Variants in UVRAG observed in about 807,000 individuals in gnomAD.
UVRAG encodes the protein UV radiation resistance associated, also known as UV radiation resistance-associated gene protein.
Under a neutral mutation model 78.0 loss-of-function variants are expected in UVRAG, and 19 were observed. The ratio of observed to expected loss-of-function variants is 0.24; its 90% CI spans 0.17 to 0.36. The LOEUF (loss-of-function observed/expected upper bound fraction) is 0.36. UVRAG is among the 10% of genes least tolerant of loss of function. The pLI is 1.00. For missense variants in UVRAG, 740 were observed against 853.8 expected (o/e 0.87, Z 1.66); for synonymous variants, 323 against 324.6 (o/e 1.00, Z 0.05).
chr11:76,016,397 T>C (rs1436073195), intron 11 of UVRAG, among the ~76,000 whole-genome samples: 1 of 152,128 alleles, frequency 6.6e-6, no homozygotes, highest in African/African-American at 2.4e-5. Context: ...AACTATATTG[T>C]CTAGGAAATT....
chr11:76,070,949 C>G lies in UVRAG; in HGVS notation c.1305+5161C>G, dbSNP rs912149000. On this transcript the variant is annotated intron_variant, in intron 13 of 14. Coordinates refer to ENST00000356136, the MANE Select transcript of UVRAG (RefSeq NM_003369.4). ...ATCATTGTGTATGTAATCAATGTCA[C>G]TGAATTTTACACTTAAACATGGTTT... Among the ~76,000 whole-genome samples the G allele has an allele frequency of 7.2e-5, 11 of 152,302 alleles. No individual in the cohort carries two copies. In the East Asian group the frequency reaches 2.1e-3, roughly 29 times the overall value.
At chr11:76,084,168 G>C (rs1331642162) in intron 13 of UVRAG, among the ~76,000 whole-genome samples, 1 of 152,208 alleles carries the variant, frequency 6.6e-6, no homozygotes, top group Admixed American at 6.5e-5. Context: ...AGCCCCAGTG[G>C]AGGCTACTAA....
intron 8 of UVRAG, 84 bp downstream of exon 8, chr11:75,983,597 T>G: frequency 6.9e-7 from 1 of 1,455,968 alleles, no homozygotes; most frequent in Non-Finnish European, 9.1e-7. Context: ...AAATAGTCAT[T>G]TTTTGTGTAA....
At chr11:76,124,048 G>A (rs1052394494) in intron 14 of UVRAG, among the ~76,000 whole-genome samples, 1 of 151,906 alleles carries the variant, frequency 6.6e-6, no homozygotes, top group African/African-American at 2.4e-5. Flanking sequence ...ACAGGCATGA[G>A]CCACCACGCC....
intron 5 of UVRAG, among the ~76,000 whole-genome samples, chr11:75,904,485 G>C (rs948592038): frequency 3.3e-5 from 5 of 152,162 alleles, no homozygotes; most frequent in African/African-American, 1.2e-4. Flanking sequence ...TCAGAACAAG[G>C]CTCTTAGCAT....
chr11:75,873,777 T>C (rs1049801005), intron 3 of UVRAG, among the ~76,000 whole-genome samples: 3 of 152,254 alleles, frequency 2.0e-5, no homozygotes, highest in African/African-American at 7.2e-5. Context: ...GCTCAGCATG[T>C]AGTAAATGGC....
At chr11:75,818,020 A>G (rs1423233597) in intron 1 of UVRAG, among the ~76,000 whole-genome samples, 3 of 152,094 alleles carry the variant, frequency 2.0e-5, no homozygotes, top group Non-Finnish European at 4.4e-5. Flanking sequence ...AGATTGCGCC[A>G]CTGCACTCCA....
intron 1 of UVRAG, among the ~76,000 whole-genome samples, chr11:75,830,309 G>A (rs909977408): frequency 6.6e-6 from 1 of 151,326 alleles, no homozygotes; most frequent in Non-Finnish European, 1.5e-5. Flanking sequence ...TCTCGCTTTC[G>A]GCCAGGCTGG....
At chr11:75,970,732 C>CAAA (rs59187207) in intron 7 of UVRAG, among the ~76,000 whole-genome samples, 3 of 66,356 alleles carry the variant, frequency 4.5e-5, no homozygotes, top group African/African-American at 1.4e-4. Flanking sequence ...GACTCCATCT[C>CAAA]AAAAAAAAAA....
chr11:76,064,138 T>A (rs1951144106), intron 12 of UVRAG, among the ~76,000 whole-genome samples: 1 of 152,186 alleles, frequency 6.6e-6, no homozygotes, highest in African/African-American at 2.4e-5. Flanking sequence ...TGAAGCTTGG[T>A]TTTCAATGTA....
intron 3 of UVRAG, among the ~76,000 whole-genome samples, chr11:75,868,978 C>T (rs1946590949): frequency 6.6e-6 from 1 of 152,136 alleles, no homozygotes; most frequent in Admixed American, 6.5e-5. Context: ...AAGTACCCAC[C>T]TATGATTGAA....
intron 4 of UVRAG, among the ~76,000 whole-genome samples, chr11:75,884,927 G>T (rs1271617366): frequency 6.6e-6 from 1 of 151,938 alleles, no homozygotes; most frequent in Non-Finnish European, 1.5e-5. Context: ...TAAAAATCCT[G>T]GGATTTTGAT....
At chr11:76,129,291 G>C (rs1373489525) in intron 14 of UVRAG, among the ~76,000 whole-genome samples, 4 of 152,202 alleles carry the variant, frequency 2.6e-5, no homozygotes, top group African/African-American at 9.7e-5. Flanking sequence ...GGATCATTTA[G>C]CATCTGGTGA....
intron 3 of UVRAG, among the ~76,000 whole-genome samples, chr11:75,867,282 A>G (rs1403236111): frequency 1.3e-5 from 2 of 152,128 alleles, no homozygotes; most frequent in Non-Finnish European, 2.9e-5. Flanking sequence ...CAAATAGAAT[A>G]TTTTCAGCTC....
chr11:75,914,653 C>G (rs1179823995), intron 6 of UVRAG: 1 of 152,234 alleles, frequency 6.6e-6, no homozygotes, highest in Non-Finnish European at 1.5e-5. Flanking sequence ...GCCACCATAC[C>G]CAGCTAATTT....
intron 1 of UVRAG, among the ~76,000 whole-genome samples, chr11:75,817,402 C>G (rs926834502): frequency 2.0e-5 from 3 of 152,080 alleles, no homozygotes; most frequent in African/African-American, 4.8e-5. Flanking sequence ...TAATTTCAGC[C>G]TCATTTGTTA....
At chr11:75,995,554 T>C (rs1949691537) in intron 8 of UVRAG, among the ~76,000 whole-genome samples, 2 of 151,420 alleles carry the variant, frequency 1.3e-5, no homozygotes, top group South Asian at 2.1e-4. Context: ...GTTTGTTCTA[T>C]TTAATTAGCT....
chr11:75,866,297 A>C (rs1274714522), intron 3 of UVRAG, among the ~76,000 whole-genome samples: 1 of 151,916 alleles, frequency 6.6e-6, no homozygotes, highest in South Asian at 2.1e-4. Flanking sequence ...AGGCAGGAGG[A>C]TCATGTAAGC....
At chr11:75,887,859 C>T (rs940483169) in intron 4 of UVRAG, among the ~76,000 whole-genome samples, 1 of 152,042 alleles carries the variant, frequency 6.6e-6, no homozygotes. Flanking sequence ...GCTGGGATTA[C>T]AGGCTACCGG....
Sources: gnomAD v4.1 joint callset for allele counts (sites outside exome capture counted in the v4.1 genomes callset) on GRCh38, gnomAD v4.1.1 for gene constraint, MANE v1.5 for transcripts, NCBI Gene and HGNC (gene_info 2026-07-23, HGNC 2026-07-21) for gene names.